Variants in C1orf21 observed in about 807,000 individuals in gnomAD.
The protein encoded by C1orf21 is chromosome 1 open reading frame 21.
Under a neutral mutation model 18.7 loss-of-function variants are expected in C1orf21, and 3 were observed. The observed-to-expected ratio is 0.16, with a 90% CI of 0.07 to 0.42. The LOEUF (loss-of-function observed/expected upper bound fraction) is 0.42. Ranked by LOEUF, C1orf21 falls within the 10% of genes least tolerant of loss-of-function variation. The pLI is 0.99. For missense variants in C1orf21, 104 were observed against 143.6 expected (o/e 0.72, Z 1.41); for synonymous variants, 41 against 46.4 (o/e 0.88, Z 0.47).
At chr1:184,597,835 G>A (rs79342522) in intron 4 of C1orf21, among the ~76,000 whole-genome samples, 232 of 152,256 alleles carry the variant, frequency 1.5e-3, no homozygotes, top group African/African-American at 5.3e-3. Flanking sequence ...GTCCTCCCAC[G>A]TTCCAGTGGA....
chr1:184,510,988 G>A (rs543861709), intron 3 of C1orf21, among the ~76,000 whole-genome samples: 2 of 152,254 alleles, frequency 1.3e-5, no homozygotes, highest in Admixed American at 6.5e-5. Flanking sequence ...AGATTTGACA[G>A]CTCATTAGAT....
chr1:184,544,131 A>G (rs1658695888), intron 3 of C1orf21, among the ~76,000 whole-genome samples: 1 of 152,232 alleles, frequency 6.6e-6, no homozygotes. Flanking sequence ...GTTCAAGGGC[A>G]CGCCTCTTAT....
At chr1:184,495,955 G>A (rs1657887618) in intron 2 of C1orf21, among the ~76,000 whole-genome samples, 1 of 149,644 alleles carries the variant, frequency 6.7e-6, no homozygotes, top group Admixed American at 6.6e-5. Flanking sequence ...TGGTGAGTAT[G>A]TAAGCTTTCT....
intron 3 of C1orf21, among the ~76,000 whole-genome samples, chr1:184,541,364 A>G (rs1339569): frequency 0.013 from 2,012 of 152,278 alleles, 22 homozygotes; most frequent in South Asian, 0.039. Flanking sequence ...TTTGAGCACC[A>G]TCCTCAATGA....
At chr1:184,411,132 G>A (rs1035615595) in intron 1 of C1orf21, among the ~76,000 whole-genome samples, 1 of 152,124 alleles carries the variant, frequency 6.6e-6, no homozygotes, top group South Asian at 2.1e-4. Context: ...GTGATCAGAT[G>A]TAAGAGTCTG....
intron 1 of C1orf21, chr1:184,411,918 G>A (rs968297528): frequency 6.6e-6 from 1 of 152,162 alleles, no homozygotes; most frequent in Non-Finnish European, 1.5e-5. Context: ...TGTATATTTA[G>A]ACATTATTTG....
chr1:184,412,679 A>C (rs1645238877), intron 1 of C1orf21, among the ~76,000 whole-genome samples: 1 of 152,140 alleles, frequency 6.6e-6, no homozygotes, highest in Non-Finnish European at 1.5e-5. Context: ...ATGGTGGCAC[A>C]CACCTGTCAT....
intron 2 of C1orf21, among the ~76,000 whole-genome samples, chr1:184,497,419 G>A (rs1168241749): frequency 6.6e-6 from 1 of 152,188 alleles, no homozygotes; most frequent in East Asian, 1.9e-4. Context: ...GTGAGAAAAG[G>A]TACAGACGGT....
At chr1:184,494,335 G>A (rs1657859307) in intron 2 of C1orf21, among the ~76,000 whole-genome samples, 1 of 152,192 alleles carries the variant, frequency 6.6e-6, no homozygotes, top group Admixed American at 6.5e-5. Context: ...GGGCCGGACT[G>A]TACTGCTCTG....
chr1:184,575,258 A>G (rs1659170571), intron 3 of C1orf21, among the ~76,000 whole-genome samples: 1 of 152,222 alleles, frequency 6.6e-6, no homozygotes, highest in African/African-American at 2.4e-5. Context: ...GTACCTCAGA[A>G]ATAGAACAAT....
At chr1:184,398,183 A>G (rs1656092661) in intron 1 of C1orf21, among the ~76,000 whole-genome samples, 1 of 152,214 alleles carries the variant, frequency 6.6e-6, no homozygotes, top group African/African-American at 2.4e-5. Flanking sequence ...AATGAAAGCT[A>G]ACATGTACTG....
intron 3 of C1orf21, among the ~76,000 whole-genome samples, chr1:184,587,262 C>CTTTTTTTTTTTTTTTTTTTTGTT (rs35263651): frequency 1.3e-5 from 1 of 76,456 alleles, no homozygotes; most frequent in Non-Finnish European, 2.9e-5. Context: ...GCTATTTGGG[C>CTTTTTTTTTTTTTTTTTTTTGTT]TTTTTTTTTT....
chr1:184,398,429 G>A (rs1656097067), intron 1 of C1orf21, among the ~76,000 whole-genome samples: 1 of 152,132 alleles, frequency 6.6e-6, no homozygotes, highest in Non-Finnish European at 1.5e-5. Flanking sequence ...TCAACTCCCA[G>A]CCAGTTCTGT....
intron 2 of C1orf21, among the ~76,000 whole-genome samples, chr1:184,494,408 A>G (rs1657860260): frequency 6.6e-6 from 1 of 152,152 alleles, no homozygotes; most frequent in Non-Finnish European, 1.5e-5. Context: ...CAGGGGAGTG[A>G]TGAGGTCTGA....
At chr1:184,513,107 TG>T (rs1289069680) in intron 3 of C1orf21, among the ~76,000 whole-genome samples, 1 of 152,214 alleles carries the variant, frequency 6.6e-6, no homozygotes, top group East Asian at 1.9e-4. Context: ...CACTTCACCC[TG>T]GTCTGTGAAA....
intron 1 of C1orf21, among the ~76,000 whole-genome samples, chr1:184,473,919 C>G (rs1284294023): frequency 1.3e-5 from 2 of 152,174 alleles, no homozygotes; most frequent in Admixed American, 6.5e-5. Context: ...CCACTATATG[C>G]ACAATACCTA....
intron 3 of C1orf21, among the ~76,000 whole-genome samples, chr1:184,574,939 C>T (rs1487136701): frequency 1.3e-5 from 2 of 152,160 alleles, no homozygotes; most frequent in Non-Finnish European, 2.9e-5. Context: ...GGGGAATGCA[C>T]ACCAAATTCG....
At chr1:184,486,561 G>A (rs1430410270) in intron 2 of C1orf21, among the ~76,000 whole-genome samples, 4 of 151,950 alleles carry the variant, frequency 2.6e-5, no homozygotes, top group Non-Finnish European at 4.4e-5. Flanking sequence ...TCCTCCCCTC[G>A]GCCAGCACAA....
At chr1:184,470,638 G>A (rs1406528591) in intron 1 of C1orf21, among the ~76,000 whole-genome samples, 1 of 152,190 alleles carries the variant, frequency 6.6e-6, no homozygotes, top group Non-Finnish European at 1.5e-5. Context: ...CAGTACTTTG[G>A]GAGGCCAAGA....
Sources: allele counts gnomAD v4.1 joint callset (sites outside exome capture counted in the v4.1 genomes callset), GRCh38; gene constraint gnomAD v4.1.1; transcripts MANE v1.5; gene names NCBI Gene and HGNC (gene_info 2026-07-23, HGNC 2026-07-21).